GRIK2: variants seen among roughly 807,000 people sequenced by gnomAD.
The protein encoded by GRIK2 is glutamate ionotropic receptor kainate type subunit 2, also known as glutamate receptor ionotropic, kainate 2.
A neutral mutation model predicts 100.3 loss-of-function variants in GRIK2; 32 were observed. The ratio of observed to expected loss-of-function variants is 0.32; its 90% confidence interval spans 0.24 to 0.43. The LOEUF is 0.43. Ranked by LOEUF, GRIK2 falls within the 20% of genes least tolerant of loss-of-function variation. The probability of loss-of-function intolerance (pLI) is 1.00; values close to 1 mark genes in which losing one functional copy is unlikely to be tolerated. For missense variants in GRIK2, 843 were observed against 1,114.9 expected, an observed-to-expected ratio of 0.76 and a Z score of 3.47; for synonymous variants, 417 against 389.4, an observed-to-expected ratio of 1.07 and a Z score of -0.83.
Position 101,619,356 on chromosome 6 carries a change from C to A in GRIK2, c.116-2593C>A, listed in dbSNP as rs199950444. 1.2e-4 allele frequency among the ~76,000 whole-genome samples: 18 copies of A among 151,410 alleles called. No individual in the cohort carries two copies. In the East Asian group the frequency reaches 3.5e-3, roughly 30 times the overall value. ...TAATTTAAGGTGGAAAATGGGTTATCCTAAGGAAATAAAAAGATTTCTTTA... is the reference window on the plus strand; with the variant it reads ...TAATTTAAGGTGGAAAATGGGTTATACTAAGGAAATAAAAAGATTTCTTTA... On this transcript the variant is annotated intron_variant, in intron 2 of 16. Coordinates refer to ENST00000369134, the MANE Select transcript of GRIK2 (RefSeq NM_021956.5).
intron 2 of GRIK2, among the ~76,000 whole-genome samples, chr6:101,618,100 C>T (rs926412229): frequency 3.3e-5 from 5 of 151,392 alleles, no homozygotes; most frequent in African/African-American, 1.2e-4. Flanking sequence ...ATAAGCATCA[C>T]TTTTTGTTTT....
chr6:101,464,708 G>T (rs1479546615), intron 2 of GRIK2, among the ~76,000 whole-genome samples: 5 of 151,482 alleles, frequency 3.3e-5, no homozygotes, highest in African/African-American at 9.7e-5. Context: ...TTTTAGTAGA[G>T]ACAGGGTTTC....
intron 14 of GRIK2, among the ~76,000 whole-genome samples, chr6:101,947,894 G>A (rs1791375085): frequency 6.6e-6 from 1 of 152,118 alleles, no homozygotes; most frequent in South Asian, 2.1e-4. Context: ...CTAGGAGAAT[G>A]TTGTTTTTAT....
At chr6:101,430,853 G>A (rs535208252) in intron 2 of GRIK2, 12 of 321,874 alleles carry the variant, frequency 3.7e-5, no homozygotes, top group Non-Finnish European at 7.7e-5. Context: ...TCTCCTTGAT[G>A]TCGCGCACTA....
chr6:101,999,548 C>T (rs560332299), intron 14 of GRIK2, among the ~76,000 whole-genome samples: 1 of 151,992 alleles, frequency 6.6e-6, no homozygotes, highest in South Asian at 2.1e-4. Context: ...TAATAGTGAT[C>T]TTGTATCCTG....
At chr6:101,831,261 G>A (rs1384151649) in intron 10 of GRIK2, among the ~76,000 whole-genome samples, 2 of 152,002 alleles carry the variant, frequency 1.3e-5, no homozygotes, top group African/African-American at 4.8e-5. Flanking sequence ...ACATATATGA[G>A]CCCATGTGGA....
rs547923388 is a variant in GRIK2 at position 101,560,672 on chromosome 6, G to C, written c.116-61277G>C. Reference sequence around the variant, plus strand: ...AAGACATAATTTAAGTAATTCAGCTGCTCTAAATTCTTTAAGGTAACTTGA... The same window carrying C: ...AAGACATAATTTAAGTAATTCAGCTCCTCTAAATTCTTTAAGGTAACTTGA... On this transcript the variant is annotated intron_variant, in intron 2 of 16. Coordinates refer to ENST00000369134, the MANE Select transcript of GRIK2 (RefSeq NM_021956.5). 3.3e-5 allele frequency among the ~76,000 whole-genome samples: 5 copies of C among 152,106 alleles called. No homozygotes were observed. In the East Asian group the frequency reaches 5.8e-4, roughly 18 times the overall value.
intron 11 of GRIK2, among the ~76,000 whole-genome samples, chr6:101,882,012 G>A (rs181239498): frequency 5.3e-5 from 8 of 151,928 alleles, no homozygotes; most frequent in Non-Finnish European, 8.8e-5. Context: ...AAGGCAAAAG[G>A]CATGTCTCAC....
intron 7 of GRIK2, among the ~76,000 whole-genome samples, chr6:101,782,212 C>G (rs1223227667): frequency 6.6e-6 from 1 of 152,092 alleles, no homozygotes; most frequent in African/African-American, 2.4e-5. Flanking sequence ...ACATTGCAAT[C>G]CTCTCTTCTA....
At chr6:101,566,018 T>C (rs1232368497) in intron 2 of GRIK2, among the ~76,000 whole-genome samples, 2 of 149,484 alleles carry the variant, frequency 1.3e-5, no homozygotes, top group Admixed American at 1.3e-4. Flanking sequence ...ATATATTTAC[T>C]ATTTAAGTAG....
intron 3 of GRIK2, 89 bp downstream of exon 3, chr6:101,622,205 T>A: frequency 1.4e-6 from 1 of 717,732 alleles, no homozygotes; most frequent in Non-Finnish European, 2.3e-6. Flanking sequence ...AACATACAGT[T>A]AATAAGTTGT....
At chr6:101,740,204 G>A (rs1365609611) in intron 7 of GRIK2, among the ~76,000 whole-genome samples, 8 of 152,114 alleles carry the variant, frequency 5.3e-5, no homozygotes, top group Non-Finnish European at 8.8e-5. Flanking sequence ...TCAGCTGGCC[G>A]GATCTGGTGT....
At chr6:101,512,057 C>CATAT (rs3057424) in intron 2 of GRIK2, among the ~76,000 whole-genome samples, 9 of 148,266 alleles carry the variant, frequency 6.1e-5, no homozygotes, top group Admixed American at 1.4e-4. Flanking sequence ...AAGATACATA[C>CATAT]ATATATATAT....
intron 14 of GRIK2, among the ~76,000 whole-genome samples, chr6:102,023,445 A>G (rs1187358685): frequency 1.3e-5 from 2 of 151,542 alleles, no homozygotes; most frequent in Non-Finnish European, 3.0e-5. Context: ...TTGTAGGGTA[A>G]CAAACAGAAG....
At chr6:101,655,758 G>A (rs1782028649) in intron 4 of GRIK2, among the ~76,000 whole-genome samples, 1 of 152,290 alleles carries the variant, frequency 6.6e-6, no homozygotes, top group South Asian at 2.1e-4. Context: ...GGGAATAGGA[G>A]TAGGGAACAA....
intron 2 of GRIK2, among the ~76,000 whole-genome samples, chr6:101,456,875 G>A (rs1169924095): frequency 6.6e-6 from 1 of 152,088 alleles, no homozygotes; most frequent in East Asian, 1.9e-4. Context: ...TTCCTAGATA[G>A]AGTCATATCA....
At chr6:101,455,472 TG>T (rs1305291293) in intron 2 of GRIK2, among the ~76,000 whole-genome samples, 1 of 152,092 alleles carries the variant, frequency 6.6e-6, no homozygotes, top group African/African-American at 2.4e-5. Flanking sequence ...TTTGCTGAAT[TG>T]TTCCTATCAC....
intron 7 of GRIK2, among the ~76,000 whole-genome samples, chr6:101,686,782 C>T (rs889479261): frequency 2.6e-5 from 4 of 152,070 alleles, no homozygotes; most frequent in South Asian, 4.1e-4. Context: ...ACAAAATTCT[C>T]GCATGAGCTT....
intron 7 of GRIK2, among the ~76,000 whole-genome samples, chr6:101,784,566 ATGGCTTG>A (rs1278801566): frequency 6.6e-6 from 1 of 152,182 alleles, no homozygotes; most frequent in Admixed American, 6.5e-5. Context: ...TTGGAATGTT[ATGGCTTG>A]GCTCTGTGTT....
Sources: gnomAD v4.1 joint callset for allele counts (sites outside exome capture counted in the v4.1 genomes callset) on GRCh38, gnomAD v4.1.1 for gene constraint, MANE v1.5 for transcripts, NCBI Gene and HGNC (gene_info 2026-07-23, HGNC 2026-07-21) for gene names.